B3GALT1: variants seen among roughly 807,000 people sequenced by gnomAD.
B3GALT1 encodes the protein beta-1,3-galactosyltransferase 1.
B3GALT1 carries 10 observed loss-of-function variants against 23.2 expected under a neutral mutation model. That is an observed-to-expected ratio of 0.43 (90% CI 0.27 to 0.73). The LOEUF is 0.73. B3GALT1 is among the 30% of genes least tolerant of loss of function. The pLI, the probability that B3GALT1 is intolerant of heterozygous loss-of-function variation, is 0.21. For synonymous variants in B3GALT1, 156 were observed against 141.5 expected (o/e 1.10, Z -0.73); for missense variants, 299 against 405.4 (o/e 0.74, Z 2.25).
rs183233621 is a variant in B3GALT1, at chr2:167,594,191, G to T, written c.-409-52718G>T. ...AGGTAGTTTTGCTGTGGGAGGCTAC[G>T]TAGTGTAGATGTCAAAGTCACAGAC... On this transcript the variant is annotated intron_variant, in intron 2 of 4. Transcript: ENST00000392690. Among the ~76,000 whole-genome samples, 296 of 152,304 alleles carry T rather than the reference G, an allele frequency of 1.9e-3. 2 individuals carry two copies. The highest frequency in any genetic ancestry group is 4.2e-3 in the Admixed American group (65 of 15,300).
chr2:167,596,215 G>A (rs1173218191), intron 2 of B3GALT1, among the ~76,000 whole-genome samples: 1 of 152,200 alleles, frequency 6.6e-6, no homozygotes, highest in African/African-American at 2.4e-5. Context: ...CCTAAGCTCA[G>A]AGAACGATAG....
At chr2:167,360,864 C>T (rs1451530325) in intron 1 of B3GALT1, among the ~76,000 whole-genome samples, 2 of 152,068 alleles carry the variant, frequency 1.3e-5, no homozygotes, top group Non-Finnish European at 2.9e-5. Context: ...ATGCCTCTTC[C>T]TTTCCCTCTC....
intron 1 of B3GALT1, among the ~76,000 whole-genome samples, chr2:167,312,377 A>G (rs1269394203): frequency 6.6e-6 from 1 of 152,050 alleles, no homozygotes; most frequent in Non-Finnish European, 1.5e-5. Flanking sequence ...TGGCCCTTAA[A>G]TTATTTGAAC....
intron 2 of B3GALT1, among the ~76,000 whole-genome samples, chr2:167,512,624 G>GTATATATATATATATATATA (rs202089193): frequency 4.0e-5 from 2 of 49,672 alleles, no homozygotes; most frequent in African/African-American, 3.5e-4. Flanking sequence ...ATATATACGT[G>GTATATATATATATATATATA]TATATATATA....
intron 2 of B3GALT1, among the ~76,000 whole-genome samples, chr2:167,551,416 T>G (rs1280878709): frequency 6.6e-6 from 1 of 152,086 alleles, no homozygotes; most frequent in Non-Finnish European, 1.5e-5. Flanking sequence ...GAGAAGGCAA[T>G]GTAAGTGTTG....
Position 167,412,701 on chromosome 2 carries a change from G to A in B3GALT1, c.-510-77476G>A, listed in dbSNP as rs78612702. 5.1e-3 allele frequency among the ~76,000 whole-genome samples: 773 copies of A among 152,134 alleles called. 8 individuals are homozygous for A. The highest frequency in any genetic ancestry group is 0.018 in the African/African-American group (739 of 41,528). On this transcript the variant is annotated intron_variant, in intron 1 of 4. Transcript: ENST00000392690. ...ATTATTTACTAAAGTTGAACATATTGTATATTCCGTATGACCCAGAAATTA... is the reference window on the plus strand; with the variant it reads ...ATTATTTACTAAAGTTGAACATATTATATATTCCGTATGACCCAGAAATTA...
At chr2:167,780,461 C>A (rs1035746524) in intron 3 of B3GALT1, among the ~76,000 whole-genome samples, 6 of 152,206 alleles carry the variant, frequency 3.9e-5, no homozygotes, top group Admixed American at 3.3e-4. Flanking sequence ...GCATCTATAA[C>A]ACTTGTTCAT....
intron 3 of B3GALT1, among the ~76,000 whole-genome samples, chr2:167,658,676 T>C (rs1420513903): frequency 6.6e-6 from 1 of 152,088 alleles, no homozygotes; most frequent in Non-Finnish European, 1.5e-5. Flanking sequence ...ACTGTATGAA[T>C]AGGTTGATAC....
At chr2:167,663,784 C>T (rs1389248077) in intron 3 of B3GALT1, among the ~76,000 whole-genome samples, 3 of 152,096 alleles carry the variant, frequency 2.0e-5, no homozygotes, top group Admixed American at 6.5e-5. Context: ...TGTTCATGTC[C>T]TTCGCCCACT....
At chr2:167,407,492 A>G (rs570682292) in intron 1 of B3GALT1, among the ~76,000 whole-genome samples, 1 of 152,144 alleles carries the variant, frequency 6.6e-6, no homozygotes, top group Non-Finnish European at 1.5e-5. Flanking sequence ...AATAAAAATC[A>G]GAGCAGAAAT....
chr2:167,633,407 A>G (rs1685490695), intron 2 of B3GALT1, among the ~76,000 whole-genome samples: 1 of 151,940 alleles, frequency 6.6e-6, no homozygotes, highest in Middle Eastern at 3.2e-3. Flanking sequence ...AATGTGCTGT[A>G]TTCAGGAGAC....
At chr2:167,489,069 C>G (rs929824244) in intron 1 of B3GALT1, among the ~76,000 whole-genome samples, 2 of 151,882 alleles carry the variant, frequency 1.3e-5, no homozygotes, top group Non-Finnish European at 2.9e-5. Context: ...TAAAAATATA[C>G]AGAATGATTG....
At chr2:167,617,346 G>A (rs1685177999) in intron 2 of B3GALT1, among the ~76,000 whole-genome samples, 1 of 151,940 alleles carries the variant, frequency 6.6e-6, no homozygotes, top group South Asian at 2.1e-4. Flanking sequence ...CTTATTATAG[G>A]CAAAACTCAC....
chr2:167,399,704 T>A (rs1698156814), intron 1 of B3GALT1, among the ~76,000 whole-genome samples: 1 of 152,140 alleles, frequency 6.6e-6, no homozygotes. Flanking sequence ...TACACTCCTT[T>A]ATCTCCTACT....
intron 1 of B3GALT1, among the ~76,000 whole-genome samples, chr2:167,360,100 A>AG (rs1289949406): frequency 1.3e-5 from 2 of 152,078 alleles, no homozygotes; most frequent in Non-Finnish European, 2.9e-5. Flanking sequence ...ATTTTTAAAA[A>AG]TTTTTCTCTT....
At chr2:167,776,379 G>A (rs1490299356) in intron 3 of B3GALT1, among the ~76,000 whole-genome samples, 1 of 152,104 alleles carries the variant, frequency 6.6e-6, no homozygotes, top group African/African-American at 2.4e-5. Context: ...TACCCACTCC[G>A]AGTTCTGCCA....
chr2:167,447,115 G>C (rs941723505), intron 1 of B3GALT1, among the ~76,000 whole-genome samples: 1 of 152,194 alleles, frequency 6.6e-6, no homozygotes, highest in African/African-American at 2.4e-5. Context: ...GTTGGAGTTT[G>C]CTGGAGGTCC....
chr2:167,512,637 C>T (rs60760691), intron 2 of B3GALT1, among the ~76,000 whole-genome samples: 8,871 of 64,272 alleles, frequency 0.14, 692 homozygotes, highest in East Asian at 0.3. Flanking sequence ...TATATATATA[C>T]ATATATATAT....
At chr2:167,715,010 T>C (rs2105521924) in intron 3 of B3GALT1, 1 of 1,611,660 alleles carries the variant, frequency 6.2e-7, no homozygotes, top group Admixed American at 1.7e-5. Flanking sequence ...TTTAATATGC[T>C]CGGTAAGCTC....
Sources: gnomAD v4.1 joint callset for allele counts (sites outside exome capture counted in the v4.1 genomes callset) on GRCh38, gnomAD v4.1.1 for gene constraint, MANE v1.5 for transcripts, NCBI Gene and HGNC (gene_info 2026-07-23, HGNC 2026-07-21) for gene names.